The following EFNA5 variants were observed in gnomAD, a reference collection of about 807,000 sequenced individuals.
EFNA5 encodes ephrin-A5.
In EFNA5, 5 loss-of-function variants were observed where a neutral mutation model predicts 22.9. That is an observed-to-expected ratio of 0.22 (90% confidence interval 0.11 to 0.46). The LOEUF (loss-of-function observed/expected upper bound fraction) is 0.46. EFNA5 is among the 20% of genes least tolerant of loss of function. The pLI, the probability that EFNA5 is intolerant of heterozygous loss-of-function variation, is 0.99. For synonymous variants in EFNA5, 113 were observed against 112.2 expected (o/e 1.01, Z -0.04); for missense variants, 237 against 293.3 (o/e 0.81, Z 1.40).
At chr5:107,411,454 C>T (rs1270898085) in intron 2 of EFNA5, among the ~76,000 whole-genome samples, 3 of 152,220 alleles carry the variant, frequency 2.0e-5, no homozygotes, top group African/African-American at 7.2e-5. Context: ...TTCCTTCTCC[C>T]AGGAACTTGC....
chr5:107,617,356 C>T (rs1749944251), intron 1 of EFNA5, among the ~76,000 whole-genome samples: 1 of 152,080 alleles, frequency 6.6e-6, no homozygotes. Flanking sequence ...TAGGAACATT[C>T]ATTCAGCACC....
intron 2 of EFNA5, among the ~76,000 whole-genome samples, chr5:107,420,698 T>C (rs1748634001): frequency 1.3e-5 from 2 of 152,150 alleles, no homozygotes; most frequent in Admixed American, 1.3e-4. Flanking sequence ...CTGTAATTTA[T>C]CTGCTTTTCT....
At chr5:107,441,048 GTATTCCTTT>G in intron 1 of EFNA5, among the ~76,000 whole-genome samples, 1 of 144,516 alleles carries the variant, frequency 6.9e-6, no homozygotes, top group Admixed American at 6.9e-5. Flanking sequence ...CAAATATAAA[GTATTCCTTT>G]CAACCCTCTC....
chr5:107,540,826 A>G (rs1748030478), intron 1 of EFNA5, among the ~76,000 whole-genome samples: 1 of 152,232 alleles, frequency 6.6e-6, no homozygotes, highest in Admixed American at 6.5e-5. Context: ...TAATCAAGAA[A>G]AAAAATTAAG....
chr5:107,474,962 C>A (rs1212432286), intron 1 of EFNA5, among the ~76,000 whole-genome samples: 1 of 152,206 alleles, frequency 6.6e-6, no homozygotes, highest in Non-Finnish European at 1.5e-5. Flanking sequence ...TTCTGTCCCA[C>A]TGTTAAGACA....
At chr5:107,620,790 A>G in intron 1 of EFNA5, among the ~76,000 whole-genome samples, 1 of 152,346 alleles carries the variant, frequency 6.6e-6, no homozygotes, top group East Asian at 1.9e-4. Context: ...ATACAGGCAA[A>G]TAATTACAAT....
At chr5:107,648,644 C>T (rs919064376) in intron 1 of EFNA5, among the ~76,000 whole-genome samples, 1 of 152,132 alleles carries the variant, frequency 6.6e-6, no homozygotes, top group African/African-American at 2.4e-5. Context: ...CGTCAAACTT[C>T]AGGATTCAAC....
At chr5:107,428,033 A>C (rs1234228211) in intron 1 of EFNA5, among the ~76,000 whole-genome samples, 1 of 152,218 alleles carries the variant, frequency 6.6e-6, no homozygotes, top group South Asian at 2.1e-4. Context: ...AATTGGGAGA[A>C]TTAGAATCAT....
At chr5:107,580,695 C>A (rs1408986300) in intron 1 of EFNA5, among the ~76,000 whole-genome samples, 1 of 135,044 alleles carries the variant, frequency 7.4e-6, no homozygotes, top group Non-Finnish European at 1.5e-5. Context: ...ACACTCCAGC[C>A]TGGGCAAAAG....
rs1747324487 is a variant in EFNA5 at position 107,378,192 on chromosome 5, T to A, written c.*3063A>T. 6.6e-6 allele frequency: 1 copy of A among 151,554 alleles called. No homozygotes were observed. Among genetic ancestry groups the A allele is most frequent in the Non-Finnish European group, 1.5e-5 (1 of 67,908 alleles). The allele number at this position is 151,554 out of a possible 1,614,324, so 9.4% of individuals were successfully genotyped here. A position where few individuals can be genotyped will look rare whatever the true frequency, so the allele number is the denominator to read the frequency against. On this transcript the variant is annotated 3_prime_UTR_variant, in exon 5 of 5. Transcript: ENST00000333274. ...AATACAGAATTTAAAGAACGCAGTT[T>A]TTTTTTTTTTTTTAATGTTTTACTT...
chr5:107,476,115 G>T (rs186333759), intron 1 of EFNA5, among the ~76,000 whole-genome samples: 1 of 115,270 alleles, frequency 8.7e-6, no homozygotes, highest in African/African-American at 3.6e-5. Context: ...GTAATGGCGC[G>T]ATCTCGGCTC....
intron 1 of EFNA5, among the ~76,000 whole-genome samples, chr5:107,500,323 G>C (rs573481688): frequency 2.0e-5 from 3 of 152,182 alleles, no homozygotes; most frequent in Non-Finnish European, 4.4e-5. Context: ...TCCCTACAAT[G>C]TATACGTATA....
At chr5:107,658,963 C>T (rs1197825317) in intron 1 of EFNA5, among the ~76,000 whole-genome samples, 2 of 152,252 alleles carry the variant, frequency 1.3e-5, no homozygotes, top group South Asian at 2.1e-4. Context: ...CAGTGGACAC[C>T]TGACATAAAT....
intron 1 of EFNA5, among the ~76,000 whole-genome samples, chr5:107,509,357 C>A (rs574352790): frequency 1.3e-5 from 2 of 150,406 alleles, no homozygotes; most frequent in African/African-American, 2.5e-5. Flanking sequence ...CTCACCCTGT[C>A]GCCCAGGCTG....
chr5:107,495,542 T>C (rs900764497), intron 1 of EFNA5, among the ~76,000 whole-genome samples: 2 of 152,218 alleles, frequency 1.3e-5, no homozygotes, highest in African/African-American at 4.8e-5. Flanking sequence ...GCAGTAAGCA[T>C]CCATGAATTC....
chr5:107,394,194 T>A (rs1262593205), intron 2 of EFNA5, among the ~76,000 whole-genome samples: 1 of 152,226 alleles, frequency 6.6e-6, no homozygotes, highest in Non-Finnish European at 1.5e-5. Flanking sequence ...TGGCCCCGGT[T>A]TACCAAGCTT....
chr5:107,532,996 C>T (rs766561686), intron 1 of EFNA5, among the ~76,000 whole-genome samples: 10 of 152,104 alleles, frequency 6.6e-5, no homozygotes, highest in South Asian at 2.1e-4. Context: ...CCACAGCTCA[C>T]GGCAGCTAAA....
At chr5:107,533,173 CA>C (rs1485003865) in intron 1 of EFNA5, among the ~76,000 whole-genome samples, 1 of 152,150 alleles carries the variant, frequency 6.6e-6, no homozygotes, top group African/African-American at 2.4e-5. Flanking sequence ...AAATGGACAG[CA>C]CTTTCTATTG....
intron 4 of EFNA5, among the ~76,000 whole-genome samples, chr5:107,386,259 G>C (rs1170611202): frequency 1.3e-5 from 2 of 151,946 alleles, no homozygotes; most frequent in African/African-American, 2.4e-5. Flanking sequence ...CAAGGGAGAT[G>C]GGTAAGGAAA....
Sources: allele counts gnomAD v4.1 joint callset (sites outside exome capture counted in the v4.1 genomes callset), GRCh38; gene constraint gnomAD v4.1.1; transcripts MANE v1.5; gene names NCBI Gene and HGNC (gene_info 2026-07-23, HGNC 2026-07-21).